Variants in FGF12 observed in about 807,000 individuals in gnomAD.
FGF12 encodes the protein fibroblast growth factor 12B.
In FGF12, 14 loss-of-function variants were observed where a neutral mutation model predicts 23.6. The ratio of observed to expected loss-of-function variants is 0.59; its 90% CI spans 0.39 to 0.93. The LOEUF is 0.93. Ranked by LOEUF, FGF12 falls within the 40% of genes least tolerant of loss-of-function variation. The probability of loss-of-function intolerance (pLI) is 0.00; values close to 1 mark genes in which losing one functional copy is unlikely to be tolerated. For synonymous variants in FGF12, 62 were observed against 77.3 expected (o/e 0.80, Z 1.04); for missense variants, 175 against 217.8 (o/e 0.80, Z 1.24).
At chr3:192,448,434 C>T (rs1576988694) in intron 2 of FGF12, among the ~76,000 whole-genome samples, 1 of 152,102 alleles carries the variant, frequency 6.6e-6, no homozygotes, top group Non-Finnish European at 1.5e-5. Context: ...TGAAAAGCAA[C>T]TAAATATAAA....
At chr3:192,470,883 C>T (rs1344453484) in intron 2 of FGF12, among the ~76,000 whole-genome samples, 1 of 152,106 alleles carries the variant, frequency 6.6e-6, no homozygotes, top group Non-Finnish European at 1.5e-5. Context: ...CTGCGGCTGA[C>T]CCTTCTGTCT....
At chr3:192,378,026 T>TTTTC (rs202170804) in intron 2 of FGF12, among the ~76,000 whole-genome samples, 5,463 of 68,638 alleles carry the variant, frequency 0.08, 348 homozygotes, top group Middle Eastern at 0.099. Context: ...TGACTCTTTC[T>TTTTC]TTTCTTTCTT....
intron 2 of FGF12, among the ~76,000 whole-genome samples, chr3:192,609,121 A>T (rs1034022987): frequency 6.6e-6 from 1 of 152,038 alleles, no homozygotes; most frequent in African/African-American, 2.4e-5. Flanking sequence ...AGGTCAAATA[A>T]ACTAAAATTC....
chr3:192,289,421 G>A (rs28737277), intron 4 of FGF12, among the ~76,000 whole-genome samples: 57,126 of 151,958 alleles, frequency 0.38, 11,852 homozygotes, highest in East Asian at 0.9. Flanking sequence ...CTCAGCTTTT[G>A]TGCCAAAAGG....
chr3:192,283,692 G>A (rs1305541886), intron 4 of FGF12, among the ~76,000 whole-genome samples: 1 of 152,044 alleles, frequency 6.6e-6, no homozygotes, highest in East Asian at 1.9e-4. Context: ...CATATGAGAT[G>A]TAGGTAATCT....
chr3:192,647,246 T>A (rs1213160085), intron 2 of FGF12, among the ~76,000 whole-genome samples: 1 of 152,102 alleles, frequency 6.6e-6, no homozygotes, highest in Non-Finnish European at 1.5e-5. Context: ...ATGATAAGAT[T>A]GATCAAAAAT....
chr3:192,626,863 C>T (rs1560173754), intron 2 of FGF12, among the ~76,000 whole-genome samples: 1 of 152,188 alleles, frequency 6.6e-6, no homozygotes, highest in Non-Finnish European at 1.5e-5. Context: ...TCACCTCAGC[C>T]TCCCTAAGTG....
intron 2 of FGF12, among the ~76,000 whole-genome samples, chr3:192,441,637 G>A (rs77665693): frequency 0.021 from 3,229 of 152,254 alleles, 143 homozygotes; most frequent in African/African-American, 0.074. Context: ...AATGAGAAAC[G>A]TCAGCACTTA....
intron 2 of FGF12, among the ~76,000 whole-genome samples, chr3:192,560,351 AT>A (rs765598706): frequency 6.6e-6 from 1 of 152,128 alleles, no homozygotes; most frequent in African/African-American, 2.4e-5. Flanking sequence ...AAATAAAAAA[AT>A]AATAAAGAGC....
chr3:192,722,019 T>C (rs888777168), intron 2 of FGF12, among the ~76,000 whole-genome samples: 10 of 152,176 alleles, frequency 6.6e-5, no homozygotes, highest in South Asian at 4.1e-4. Flanking sequence ...TATCCCTACA[T>C]TGTAAGCTTT....
chr3:192,607,845 T>C (rs1028598383), intron 2 of FGF12, among the ~76,000 whole-genome samples: 1 of 73,024 alleles, frequency 1.4e-5, no homozygotes, highest in Admixed American at 1.7e-4. Context: ...ACACTGAAAA[T>C]TAAAAAAAAA....
At chr3:192,386,288 G>A (rs1288538062) in intron 2 of FGF12, among the ~76,000 whole-genome samples, 1 of 152,158 alleles carries the variant, frequency 6.6e-6, no homozygotes, top group African/African-American at 2.4e-5. Context: ...CTATGTTGGT[G>A]TGTAATTATA....
intron 2 of FGF12, among the ~76,000 whole-genome samples, chr3:192,570,783 CA>C (rs1047363488): frequency 2.2e-4 from 33 of 151,184 alleles, no homozygotes; most frequent in Non-Finnish European, 4.3e-4. Context: ...GGCTTATTAC[CA>C]AAAAAAGTTC....
At chr3:192,707,512 C>T (rs1280233223) in intron 2 of FGF12, among the ~76,000 whole-genome samples, 1 of 152,226 alleles carries the variant, frequency 6.6e-6, no homozygotes, top group East Asian at 1.9e-4. Flanking sequence ...CTTTGGGAGG[C>T]TGAGGCAAAT....
chr3:192,436,719 T>C (rs73195318), intron 2 of FGF12, among the ~76,000 whole-genome samples: 8,760 of 152,316 alleles, frequency 0.058, 269 homozygotes, highest in Non-Finnish European at 0.064. Context: ...GAGTAGCCTG[T>C]CTGATCAACA....
At chr3:192,292,855 C>T (rs952779686) in intron 4 of FGF12, among the ~76,000 whole-genome samples, 23 of 152,214 alleles carry the variant, frequency 1.5e-4, no homozygotes, top group African/African-American at 4.6e-4. Context: ...TGGCTCACTA[C>T]AGCCTCGACC....
chr3:192,532,739 G>A (rs34923806), intron 2 of FGF12, among the ~76,000 whole-genome samples: 14,907 of 151,998 alleles, frequency 0.098, 758 homozygotes, highest in African/African-American at 0.13. Context: ...CAAATTTTCT[G>A]GAATTTGCCT....
chr3:192,457,725 C>G (rs552424910), intron 2 of FGF12, among the ~76,000 whole-genome samples: 7 of 152,006 alleles, frequency 4.6e-5, no homozygotes, highest in Admixed American at 6.6e-5. Flanking sequence ...AAATAAATAC[C>G]CATTTTTGAG....
chr3:192,707,575 G>C (rs1718511427), intron 2 of FGF12, among the ~76,000 whole-genome samples: 1 of 151,406 alleles, frequency 6.6e-6, no homozygotes, highest in South Asian at 2.1e-4. Context: ...GTGAAACCCC[G>C]TCTCTACTAA....
Sources: allele counts gnomAD v4.1 joint callset (sites outside exome capture counted in the v4.1 genomes callset), GRCh38; gene constraint gnomAD v4.1.1; transcripts MANE v1.5; gene names NCBI Gene and HGNC (gene_info 2026-07-23, HGNC 2026-07-21).